WDPCP: variants seen among roughly 807,000 people sequenced by gnomAD.
The protein encoded by WDPCP is WD repeat-containing and planar cell polarity effector protein fritz homolog.
Under a neutral mutation model 93.1 loss-of-function variants are expected in WDPCP, and 71 were observed. The observed-to-expected ratio is 0.76, with a 90% CI of 0.63 to 0.93. WDPCP has a LOEUF of 0.93. Among genes scored for constraint, WDPCP ranks in the 40% least tolerant of loss-of-function variants. The pLI, the probability that WDPCP is intolerant of heterozygous loss-of-function variation, is 0.00. For synonymous variants in WDPCP, 315 were observed against 315.0 expected, an observed-to-expected ratio of 1.00 and a Z score of 0.00; for missense variants, 844 against 887.4, an observed-to-expected ratio of 0.95 and a Z score of 0.62.
At chr2:63,599,421 T>C (rs1709380701) in intron 3 of WDPCP, 1 of 906,246 alleles carries the variant, frequency 1.1e-6, no homozygotes, top group African/African-American at 1.7e-5. Context: ...ATTACTTTTA[T>C]TAAATTAAAA....
intron 6 of WDPCP, among the ~76,000 whole-genome samples, chr2:63,472,844 G>A (rs1428431789): frequency 6.6e-6 from 1 of 152,210 alleles, no homozygotes; most frequent in African/African-American, 2.4e-5. Flanking sequence ...ACAGGCGTGA[G>A]CCGCCGTGCC....
intron 6 of WDPCP, among the ~76,000 whole-genome samples, chr2:63,466,716 C>T (rs1699366211): frequency 6.6e-6 from 1 of 152,066 alleles, no homozygotes; most frequent in African/African-American, 2.4e-5. Flanking sequence ...ACGTGAAAAA[C>T]AACAAGAGAG....
chr2:63,663,126 T>C (rs262512), intron 2 of WDPCP, among the ~76,000 whole-genome samples: 120,283 of 152,172 alleles, frequency 0.79, 48,066 homozygotes, highest in East Asian at 0.98. Context: ...GCTTCTTTCA[T>C]AAATATAATT....
At chr2:63,570,628 T>C (rs774652663) in intron 1 of WDPCP, among the ~76,000 whole-genome samples, 9 of 152,198 alleles carry the variant, frequency 5.9e-5, no homozygotes, top group Admixed American at 2.6e-4. Context: ...AGGGGAGAAA[T>C]TGAAGTGTAT....
At chr2:63,372,491 T>G (rs1454193166) in intron 12 of WDPCP, among the ~76,000 whole-genome samples, 1 of 152,216 alleles carries the variant, frequency 6.6e-6, no homozygotes, top group Non-Finnish European at 1.5e-5. Flanking sequence ...TCATGAATTT[T>G]ATTACCTAGA....
chr2:63,833,824 C>T, the WDPCP span, among the ~76,000 whole-genome samples: 1 of 152,082 alleles, frequency 6.6e-6, no homozygotes, highest in Non-Finnish European at 1.5e-5. Context: ...TGAATTTCCA[C>T]TATAAGAATG....
chr2:63,529,147 G>A (rs886097432), intron 1 of WDPCP, among the ~76,000 whole-genome samples: 6 of 152,120 alleles, frequency 3.9e-5, no homozygotes, highest in African/African-American at 9.7e-5. Flanking sequence ...ATATACAATC[G>A]TGCCATCTGC....
At chr2:63,467,776 C>CA (rs3051717) in intron 6 of WDPCP, among the ~76,000 whole-genome samples, 1,081 of 86,734 alleles carry the variant, frequency 0.012, 2 homozygotes, top group Non-Finnish European at 0.018. Flanking sequence ...ACTCAGTCTC[C>CA]AAAAAAAAAA....
chr2:63,823,966 G>A lies in WDPCP; in HGVS notation n.222+3656C>T, dbSNP rs983736342. Among the ~76,000 whole-genome samples, 3 of 151,966 alleles carry A rather than the reference G, an allele frequency of 2.0e-5. No individual in the cohort carries two copies. In the East Asian group the frequency reaches 5.8e-4, roughly 29 times the overall value. The stretch of plus-strand genomic sequence containing the variant: ...AGGCAGGAGGGTTGCTTGAGCCCAG[G>A]GGTTTGAGACCAGCCTGAGCAACAT... On this transcript the variant is annotated intron_variant and non_coding_transcript_variant, in intron 1 of 4. Coordinates refer to the WDPCP transcript ENST00000467687.
At chr2:63,327,370 A>G (rs951656771) in intron 12 of WDPCP, among the ~76,000 whole-genome samples, 1 of 152,178 alleles carries the variant, frequency 6.6e-6, no homozygotes, top group African/African-American at 2.4e-5. Context: ...CCAAACTTAA[A>G]AGGTTTTCAA....
At position 63,286,644 on chromosome 2, in the gene WDPCP, C is replaced by T. The variant is rs1004156590; in HGVS notation, c.1812+26604G>A. ...GCTCACACAAAGCCTGTTTGGTGGT[C>T]TCTTCACACAGACACACGTGACATG... On this transcript the variant is annotated intron_variant, in intron 13 of 17. Coordinates refer to ENST00000272321, the MANE Select transcript of WDPCP (RefSeq NM_015910.7). Among the ~76,000 whole-genome samples the T allele has an allele frequency of 4.1e-4, 63 of 152,228 alleles. 1 individual carries two copies. The highest frequency in any genetic ancestry group is 1.3e-3 in the African/African-American group (55 of 41,460).
chr2:63,565,416 A>G (rs1210843887), intron 1 of WDPCP, among the ~76,000 whole-genome samples: 1 of 152,202 alleles, frequency 6.6e-6, no homozygotes, highest in African/African-American at 2.4e-5. Flanking sequence ...ATACACAGGT[A>G]TGTATTTTAA....
intron 17 of WDPCP, among the ~76,000 whole-genome samples, chr2:63,143,896 A>G (rs1265702418): frequency 6.6e-6 from 1 of 152,178 alleles, no homozygotes; most frequent in Non-Finnish European, 1.5e-5. Flanking sequence ...TTAACTTTGG[A>G]TAACCTGATG....
At chr2:63,214,250 C>T (rs192336350) in intron 14 of WDPCP, among the ~76,000 whole-genome samples, 20 of 152,148 alleles carry the variant, frequency 1.3e-4, no homozygotes, top group Non-Finnish European at 2.1e-4. Flanking sequence ...CGAATCCAGC[C>T]GCACATCAAA....
intron 13 of WDPCP, among the ~76,000 whole-genome samples, chr2:63,306,824 A>G (rs952967628): frequency 6.6e-6 from 1 of 152,172 alleles, no homozygotes; most frequent in African/African-American, 2.4e-5. Flanking sequence ...CCCTTTGAAA[A>G]CCAGCACAAG....
intron 12 of WDPCP, among the ~76,000 whole-genome samples, chr2:63,325,198 G>A (rs1043284175): frequency 1.2e-4 from 18 of 152,266 alleles, no homozygotes; most frequent in East Asian, 1.9e-4. Flanking sequence ...AAACCTTGGT[G>A]GTTCAGAGAG....
chr2:63,746,639 T>TGCAGATGTAATAAG (rs1364700120), intron 2 of WDPCP, among the ~76,000 whole-genome samples: 7 of 152,182 alleles, frequency 4.6e-5, no homozygotes, highest in African/African-American at 1.7e-4. Flanking sequence ...GTCTGCCTTA[T>TGCAGATGTAATAAG]GCAGATGTAG....
chr2:63,455,565 AAAAAAT>A (rs1698568750), intron 6 of WDPCP, among the ~76,000 whole-genome samples: 1 of 152,018 alleles, frequency 6.6e-6, no homozygotes, highest in African/African-American at 2.4e-5. Context: ...AAAAACAGTA[AAAAAAT>A]AAAAATAAAA....
intron 13 of WDPCP, among the ~76,000 whole-genome samples, chr2:63,279,724 A>G (rs1397772942): frequency 6.6e-6 from 1 of 152,168 alleles, no homozygotes; most frequent in Non-Finnish European, 1.5e-5. Context: ...AAGACACTCC[A>G]AAAAGCTCCT....
Sources: allele counts gnomAD v4.1 joint callset (sites outside exome capture counted in the v4.1 genomes callset), GRCh38; gene constraint gnomAD v4.1.1; transcripts MANE v1.5; gene names NCBI Gene and HGNC (gene_info 2026-07-23, HGNC 2026-07-21).